Variants in ROBO1 observed in about 807,000 individuals in gnomAD.
ROBO1 encodes roundabout homolog 1.
Under a neutral mutation model 195.9 loss-of-function variants are expected in ROBO1, and 149 were observed. The ratio of observed to expected loss-of-function variants is 0.76; its 90% CI spans 0.67 to 0.87. ROBO1 has a LOEUF of 0.87. ROBO1 is among the 40% of genes least tolerant of loss of function. The pLI, the probability that ROBO1 is intolerant of heterozygous loss-of-function variation, is 0.00. For missense variants in ROBO1, 1,933 were observed against 2,068.3 expected, an observed-to-expected ratio of 0.93 and a Z score of 1.27; for synonymous variants, 816 against 733.2, an observed-to-expected ratio of 1.11 and a Z score of -1.82.
At chr3:78,885,484 C>T (rs949733675) in intron 4 of ROBO1, among the ~76,000 whole-genome samples, 8 of 148,324 alleles carry the variant, frequency 5.4e-5, no homozygotes, top group Non-Finnish European at 1.2e-4. Flanking sequence ...TAAAAGTTCC[C>T]CAAATTCCAT....
chr3:78,686,541 C>T (rs1383846151), intron 9 of ROBO1, among the ~76,000 whole-genome samples: 2 of 127,348 alleles, frequency 1.6e-5, no homozygotes, highest in Non-Finnish European at 1.6e-5. Flanking sequence ...GGTGACAGAG[C>T]GAGACTTTGT....
intron 1 of ROBO1, among the ~76,000 whole-genome samples, chr3:79,630,053 T>C (rs1945292608): frequency 6.6e-6 from 1 of 151,944 alleles, no homozygotes; most frequent in South Asian, 2.1e-4. Flanking sequence ...TTTTACAAGA[T>C]ATACAATAAG....
chr3:79,174,442 C>G (rs1047449563), intron 2 of ROBO1, among the ~76,000 whole-genome samples: 1 of 152,070 alleles, frequency 6.6e-6, no homozygotes, highest in Non-Finnish European at 1.5e-5. Context: ...TCCGGACATG[C>G]GGCCTTTAAG....
At chr3:79,419,478 G>A (rs1286113897) in intron 2 of ROBO1, among the ~76,000 whole-genome samples, 1 of 152,076 alleles carries the variant, frequency 6.6e-6, no homozygotes, top group Non-Finnish European at 1.5e-5. Context: ...GAAACTAAAG[G>A]GTGGTGATAG....
At chr3:79,657,642 G>A (rs1428943303) in intron 1 of ROBO1, among the ~76,000 whole-genome samples, 1 of 152,008 alleles carries the variant, frequency 6.6e-6, no homozygotes, top group Non-Finnish European at 1.5e-5. Context: ...TTTATTATAT[G>A]TATTAGATTT....
At chr3:79,209,436 T>C (rs924886643) in intron 2 of ROBO1, among the ~76,000 whole-genome samples, 1 of 152,334 alleles carries the variant, frequency 6.6e-6, no homozygotes, top group East Asian at 1.9e-4. Flanking sequence ...TTGTGAATCA[T>C]GCTTCTATAA....
At chr3:78,659,003 A>G (rs1707213825) in intron 17 of ROBO1, among the ~76,000 whole-genome samples, 1 of 152,162 alleles carries the variant, frequency 6.6e-6, no homozygotes, top group South Asian at 2.1e-4. Flanking sequence ...CTCTTAGGGG[A>G]AAATGCCTAC....
At chr3:78,946,659 T>A (rs1560033374) in intron 3 of ROBO1, among the ~76,000 whole-genome samples, 1 of 152,180 alleles carries the variant, frequency 6.6e-6, no homozygotes, top group Admixed American at 6.5e-5. Context: ...CAGGATCAGA[T>A]TCACACATAA....
At chr3:79,566,758 A>T (rs978738461) in intron 2 of ROBO1, among the ~76,000 whole-genome samples, 6 of 152,136 alleles carry the variant, frequency 3.9e-5, no homozygotes, top group African/African-American at 1.4e-4. Context: ...TCATATAGCT[A>T]CTATAAAAAA....
intron 2 of ROBO1, among the ~76,000 whole-genome samples, chr3:79,213,630 C>CT (rs1487734952): frequency 2.0e-5 from 3 of 152,058 alleles, no homozygotes; most frequent in Non-Finnish European, 4.4e-5. Flanking sequence ...TTTCTGATGC[C>CT]TTCAGAAATC....
chr3:79,507,353 G>T (rs1329600593), intron 2 of ROBO1, among the ~76,000 whole-genome samples: 1 of 152,146 alleles, frequency 6.6e-6, no homozygotes, highest in African/African-American at 2.4e-5. Context: ...AGAAATAAAT[G>T]GGGGCAGGGG....
At chr3:79,410,541 A>G (rs959402930) in intron 2 of ROBO1, among the ~76,000 whole-genome samples, 16 of 152,046 alleles carry the variant, frequency 1.1e-4, no homozygotes, top group Non-Finnish European at 2.1e-4. Flanking sequence ...TATCAGACCT[A>G]TAGACATGCC....
At chr3:78,691,264 T>G (rs1386546162) in intron 8 of ROBO1, among the ~76,000 whole-genome samples, 1 of 152,150 alleles carries the variant, frequency 6.6e-6, no homozygotes, top group Non-Finnish European at 1.5e-5. Flanking sequence ...ATATTTATGA[T>G]GAAATTTTGG....
chr3:78,770,276 C>A (rs1277654627), intron 4 of ROBO1, among the ~76,000 whole-genome samples: 1 of 152,184 alleles, frequency 6.6e-6, no homozygotes, highest in African/African-American at 2.4e-5. Context: ...TCTCTGCAAT[C>A]TCACCAGCAT....
At chr3:79,002,943 T>A (rs997230493) in intron 3 of ROBO1, among the ~76,000 whole-genome samples, 2 of 152,048 alleles carry the variant, frequency 1.3e-5, no homozygotes, top group African/African-American at 4.8e-5. Context: ...CCTGTGCCCA[T>A]CCCACACTCC....
At chr3:79,327,515 A>T (rs1368274673) in intron 2 of ROBO1, among the ~76,000 whole-genome samples, 1 of 152,054 alleles carries the variant, frequency 6.6e-6, no homozygotes, top group East Asian at 1.9e-4. Context: ...CATCATATTC[A>T]AATCATCAAA....
intron 1 of ROBO1, among the ~76,000 whole-genome samples, chr3:79,679,944 A>C (rs1451479312): frequency 1.3e-5 from 2 of 152,036 alleles, no homozygotes; most frequent in African/African-American, 2.4e-5. Flanking sequence ...GAAGCACGTC[A>C]CATGTCATGT....
At chr3:79,750,372 A>C (rs1704080608) in intron 1 of ROBO1, among the ~76,000 whole-genome samples, 2 of 152,150 alleles carry the variant, frequency 1.3e-5, no homozygotes, top group Admixed American at 1.3e-4. Context: ...TGGACTTTTG[A>C]GTTAATGCTA....
intron 3 of ROBO1, among the ~76,000 whole-genome samples, chr3:78,997,559 C>T (rs369617112): frequency 6.6e-6 from 1 of 152,058 alleles, no homozygotes; most frequent in African/African-American, 2.4e-5. Flanking sequence ...TCTAGGCACA[C>T]AGAGATCAAG....
Sources: allele counts gnomAD v4.1 joint callset (sites outside exome capture counted in the v4.1 genomes callset), GRCh38; gene constraint gnomAD v4.1.1; transcripts MANE v1.5; gene names NCBI Gene and HGNC (gene_info 2026-07-23, HGNC 2026-07-21).